Variants in BRMS1L observed in about 807,000 individuals in gnomAD.
BRMS1L encodes BRMS1 like transcriptional repressor, also known as breast cancer metastasis-suppressor 1-like protein.
BRMS1L carries 23 observed loss-of-function variants against 50.3 expected under a neutral mutation model. That is an observed-to-expected ratio of 0.46 (90% CI 0.33 to 0.65). The LOEUF is 0.65. BRMS1L is among the 30% of genes least tolerant of loss of function. The probability of loss-of-function intolerance (pLI) is 0.02; values close to 1 mark genes in which losing one functional copy is unlikely to be tolerated. For synonymous variants in BRMS1L, 114 were observed against 126.9 expected (o/e 0.90, Z 0.69); for missense variants, 286 against 386.1 (o/e 0.74, Z 2.17).
Position 35,865,699 on chromosome 14 carries a change from CTTTTT to C in BRMS1L, c.688-12_688-8del. On this transcript the variant is annotated intron_variant, in intron 7 of 9. Transcript: ENST00000216807. ...TCTGAACTCAGACTTCTTTCTTCCT[CTTTTT>C]TTTTTTTTTTAATTAAGGCAATGGC... The C allele has an allele frequency of 5.0e-6, 7 of 1,409,550 alleles. No individual in the cohort carries two copies. Among genetic ancestry groups the C allele is most frequent in the East Asian group, 4.9e-5 (2 of 41,236 alleles). The allele number at this position is 1,409,550 out of a possible 1,614,324, so 87.3% of individuals were successfully genotyped here.
chr14:35,862,367 T>TA (rs200451468), intron 4 of BRMS1L, among the ~76,000 whole-genome samples: 1,681 of 152,322 alleles, frequency 0.011, 40 homozygotes, highest in African/African-American at 0.038. Context: ...TAGATGCTCT[T>TA]ATACAGAATG....
At chr14:35,826,873 C>A (rs1012995015) in intron 1 of BRMS1L, 1 of 636,882 alleles carries the variant, frequency 1.6e-6, no homozygotes, top group Non-Finnish European at 2.5e-6. Flanking sequence ...CGGGCCTGGG[C>A]TTGTCCAGCT....
intron 1 of BRMS1L, 153 bp downstream of exon 1, chr14:35,826,811 C>G: frequency 9.1e-7 from 1 of 1,101,388 alleles, no homozygotes; most frequent in Non-Finnish European, 1.2e-6. Context: ...TGCACCCTGA[C>G]CGGTCGCTGG....
chr14:35,830,494 AC>A (rs1383566643), intron 1 of BRMS1L, among the ~76,000 whole-genome samples: 1 of 151,988 alleles, frequency 6.6e-6, no homozygotes, highest in Non-Finnish European at 1.5e-5. Context: ...AGCAGTTGGG[AC>A]TACAGGCATC....
chr14:35,843,336 A>T (rs1011074140), intron 4 of BRMS1L, among the ~76,000 whole-genome samples: 2 of 150,866 alleles, frequency 1.3e-5, no homozygotes, highest in Non-Finnish European at 3.0e-5. Flanking sequence ...TTGGTCTTTG[A>T]TGTTGGTGAC....
At chr14:35,827,322 T>C (rs1392652105) in intron 1 of BRMS1L, among the ~76,000 whole-genome samples, 1 of 152,136 alleles carries the variant, frequency 6.6e-6, no homozygotes. Flanking sequence ...TTAAATTATT[T>C]TGGGTGGGGG....
chr14:35,860,956 C>T (rs2078343245), intron 4 of BRMS1L, among the ~76,000 whole-genome samples: 2 of 152,140 alleles, frequency 1.3e-5, no homozygotes, highest in Admixed American at 1.3e-4. Context: ...AACTATTGAA[C>T]ATAGAAAACT....
At position 35,826,577 on chromosome 14, in the gene BRMS1L, G is replaced by T. The variant is rs770271932; in HGVS notation, c.61G>T (p.Asp21Tyr). ...CAACCATCACGATGAGATGGAGGTG[G>T]ACTACGCCGAAAATGAGGGGAGCAG... ...ETNHHDEMEV[D>Y]YAENEGSSSE... Residue 21 changes from aspartate to tyrosine, a missense_variant, in exon 1 of 10, where the codon GAC becomes TAC. Physicochemically the swap from Asp to Tyr is radical, Grantham distance 160 (BLOSUM62 -3). Coordinates refer to ENST00000216807, the MANE Select transcript of BRMS1L (RefSeq NM_032352.4). 1 of 1,609,618 alleles carries T rather than the reference G, an allele frequency of 6.2e-7. No individual in the cohort carries two copies. The highest frequency in any genetic ancestry group is 1.3e-5 in the African/African-American group (1 of 74,918).
intron 4 of BRMS1L, among the ~76,000 whole-genome samples, chr14:35,859,368 A>G (rs1445341200): frequency 6.6e-6 from 1 of 152,206 alleles, no homozygotes; most frequent in Non-Finnish European, 1.5e-5. Flanking sequence ...TGACGCTCAC[A>G]CTTAAGAGTA....
chr14:35,866,332 G>A (rs1161771099), intron 8 of BRMS1L, among the ~76,000 whole-genome samples: 1 of 152,066 alleles, frequency 6.6e-6, no homozygotes, highest in African/African-American at 2.4e-5. Context: ...AGACTAAAAA[G>A]AAAAACATAT....
chr14:35,833,926 C>T (rs2077959318), intron 3 of BRMS1L, among the ~76,000 whole-genome samples: 3 of 152,190 alleles, frequency 2.0e-5, no homozygotes, highest in Non-Finnish European at 4.4e-5. Context: ...ATACTCTTCA[C>T]TGCTATCTTT....
At chr14:35,867,781 A>T in intron 8 of BRMS1L, 125 bp from the exon 9 acceptor site, 1 of 878,462 alleles carries the variant, frequency 1.1e-6, no homozygotes, top group Non-Finnish European at 1.6e-6. Flanking sequence ...TAGGTTTGTT[A>T]TTTAAGAAAT....
chr14:35,868,084 TC>T, intron 9 of BRMS1L, 52 bp downstream of exon 9: 1 of 1,506,414 alleles, frequency 6.6e-7, no homozygotes, highest in Non-Finnish European at 8.9e-7. Context: ...ATTTACAACA[TC>T]GTTGTCAGTG....
chr14:35,854,193 C>T (rs1350006039), intron 4 of BRMS1L, among the ~76,000 whole-genome samples: 1 of 152,120 alleles, frequency 6.6e-6, no homozygotes, highest in African/African-American at 2.4e-5. Flanking sequence ...TCCATGCAGG[C>T]TCCTTTTTGC....
intron 4 of BRMS1L, among the ~76,000 whole-genome samples, chr14:35,859,117 T>C (rs1483904200): frequency 1.3e-5 from 2 of 151,860 alleles, no homozygotes; most frequent in Non-Finnish European, 2.9e-5. Flanking sequence ...ATTTTTTCCT[T>C]TTTTGTAGTA....
chr14:35,863,857 A>G lies in BRMS1L; in HGVS notation c.539-13A>G. On this transcript the variant is annotated splice_polypyrimidine_tract_variant and intron_variant, in intron 5 of 9. Transcript: ENST00000216807. ...AGAAACCCACTAATACTTAATCTTT[A>G]TTTACCTGCCAGAGCTGTGGAATGA... 1 of 1,610,534 alleles carries G rather than the reference A, an allele frequency of 6.2e-7. No individual in the cohort carries two copies. The highest frequency in any genetic ancestry group is 1.1e-5 in the South Asian group (1 of 90,430).
intron 4 of BRMS1L, among the ~76,000 whole-genome samples, chr14:35,836,347 T>A (rs2077992966): frequency 6.6e-6 from 1 of 152,144 alleles, no homozygotes; most frequent in Non-Finnish European, 1.5e-5. Flanking sequence ...TGTTTTGTTT[T>A]CTTTTGTTTT....
At chr14:35,845,723 T>C (rs1019347148) in intron 4 of BRMS1L, among the ~76,000 whole-genome samples, 3 of 152,186 alleles carry the variant, frequency 2.0e-5, no homozygotes, top group African/African-American at 7.2e-5. Flanking sequence ...GTACATCTTG[T>C]CTTTGTGATA....
At chr14:35,859,460 G>T (rs1300608440) in intron 4 of BRMS1L, among the ~76,000 whole-genome samples, 2 of 152,100 alleles carry the variant, frequency 1.3e-5, no homozygotes, top group Admixed American at 6.6e-5. Context: ...CGTTGCTTTT[G>T]TAAAGTCTCT....
Sources: allele counts gnomAD v4.1 joint callset (sites outside exome capture counted in the v4.1 genomes callset), GRCh38; gene constraint gnomAD v4.1.1; transcripts MANE v1.5; gene names NCBI Gene and HGNC (gene_info 2026-07-23, HGNC 2026-07-21).